Variants in CNTN5 observed in about 807,000 individuals in gnomAD.
CNTN5 encodes contactin-5.
Under a neutral mutation model 129.1 loss-of-function variants are expected in CNTN5, and 77 were observed. That is an observed-to-expected ratio of 0.60 (90% confidence interval 0.50 to 0.72). The LOEUF is 0.72. Among genes scored for constraint, CNTN5 ranks in the 30% least tolerant of loss-of-function variants. The pLI, the probability that CNTN5 is intolerant of heterozygous loss-of-function variation, is 0.00. For missense variants in CNTN5, 1,478 were observed against 1,328.8 expected (o/e 1.11, Z -1.75); for synonymous variants, 509 against 465.6 (o/e 1.09, Z -1.20).
At chr11:100,185,021 C>T (rs968859819) in intron 13 of CNTN5, among the ~76,000 whole-genome samples, 19 of 152,020 alleles carry the variant, frequency 1.2e-4, no homozygotes, top group South Asian at 2.1e-4. Flanking sequence ...TCTCTCCTGC[C>T]GCCATGTGAA....
chr11:99,690,512 T>A (rs1265573032), intron 3 of CNTN5, among the ~76,000 whole-genome samples: 1 of 152,178 alleles, frequency 6.6e-6, no homozygotes, highest in Non-Finnish European at 1.5e-5. Flanking sequence ...GTGAAGAATG[T>A]CCATGGCAGT....
At chr11:99,358,142 G>C (rs1012691069) in intron 2 of CNTN5, among the ~76,000 whole-genome samples, 1 of 142,318 alleles carries the variant, frequency 7.0e-6, no homozygotes, top group Non-Finnish European at 1.5e-5. Flanking sequence ...AGGCTGGAGT[G>C]CAGTGGCGCG....
intron 13 of CNTN5, among the ~76,000 whole-genome samples, chr11:100,141,446 G>C (rs1480360862): frequency 1.3e-5 from 2 of 152,108 alleles, no homozygotes; most frequent in Admixed American, 6.6e-5. Context: ...CTGAGCACAG[G>C]GGTGTTCTTT....
At chr11:99,809,752 C>A (rs976735414) in intron 3 of CNTN5, among the ~76,000 whole-genome samples, 5 of 152,056 alleles carry the variant, frequency 3.3e-5, no homozygotes, top group Admixed American at 3.3e-4. Flanking sequence ...GGAGGAAATA[C>A]ATTTTGTGTA....
intron 3 of CNTN5, among the ~76,000 whole-genome samples, chr11:99,643,776 G>A (rs1366509144): frequency 1.3e-5 from 2 of 151,912 alleles, no homozygotes; most frequent in African/African-American, 4.8e-5. Flanking sequence ...ATGGAATTGA[G>A]TTTCTCCAGT....
rs57658888 is a variant in CNTN5, at chr11:100,056,336, C to T, written c.981-4876C>T. Among the ~76,000 whole-genome samples the T allele has an allele frequency of 7.1e-3, 1,073 of 151,086 alleles. 10 individuals are homozygous for T. Among genetic ancestry groups the T allele is most frequent in the African/African-American group, 0.024 (996 of 41,342 alleles). On this transcript the variant is annotated intron_variant, in intron 9 of 24. Coordinates refer to ENST00000524871, the MANE Select transcript of CNTN5 (RefSeq NM_014361.4). ...AAAGTAAAATTCCACTATCAAAATA[C>T]GCAGATTACCAAATATAGCTTTTAA...
At chr11:99,962,630 G>C (rs1187998553) in intron 8 of CNTN5, among the ~76,000 whole-genome samples, 15 of 150,840 alleles carry the variant, frequency 9.9e-5, no homozygotes, top group African/African-American at 3.7e-4. Context: ...GTGTGCATGT[G>C]TCTTTATAGC....
At chr11:99,822,167 G>A (rs1484707745) in intron 4 of CNTN5, among the ~76,000 whole-genome samples, 4 of 152,082 alleles carry the variant, frequency 2.6e-5, no homozygotes, top group Admixed American at 2.6e-4. Flanking sequence ...TCAGAGTTAA[G>A]CCAAGAAGTA....
chr11:100,085,209 G>C (rs557311379), intron 13 of CNTN5, among the ~76,000 whole-genome samples: 2 of 152,068 alleles, frequency 1.3e-5, no homozygotes, highest in Non-Finnish European at 2.9e-5. Context: ...TTCTCACAAT[G>C]ATGAGTTTCC....
At chr11:99,905,797 G>A (rs1208720521) in intron 6 of CNTN5, among the ~76,000 whole-genome samples, 3 of 152,124 alleles carry the variant, frequency 2.0e-5, no homozygotes. Context: ...CCATTTGTTT[G>A]TGTCCTCTGT....
chr11:99,845,095 G>A lies in CNTN5; in HGVS notation c.410G>A (p.Arg137Gln), dbSNP rs1010130853. ...GNPVPSYRWL[R>Q]NGTEIDLESD... ...TCTGATTTTTTCCTAAGATGGCTTC[G>A]AAATGGAACAGAAATAGATCTGGAA... is the stretch of plus-strand genomic sequence containing the variant. The change falls in exon 6 of 25, where the codon CGA becomes CAA. Residue 137 changes from arginine to glutamine, a missense_variant. Coordinates refer to ENST00000524871, the MANE Select transcript of CNTN5 (RefSeq NM_014361.4). 2 of 1,613,122 alleles carry A rather than the reference G, an allele frequency of 1.2e-6. No homozygotes were observed. Among genetic ancestry groups the A allele is most frequent in the Non-Finnish European group, 8.5e-7 (1 of 1,179,528 alleles).
At chr11:100,141,332 AGACTGCTTGTTTTGGAAACAGT>A (rs974824897) in intron 13 of CNTN5, among the ~76,000 whole-genome samples, 1 of 152,126 alleles carries the variant, frequency 6.6e-6, no homozygotes, top group African/African-American at 2.4e-5. Context: ...AGTGTTGACG[AGACTGCTTGTTTTGGAAACAGT>A]GAGGGGTGGG....
intron 4 of CNTN5, among the ~76,000 whole-genome samples, chr11:99,820,576 C>CCTCAGTTGGCATCTG (rs375014291): frequency 7.9e-5 from 12 of 151,588 alleles, no homozygotes; most frequent in Admixed American, 2.0e-4. Flanking sequence ...ATGCCTGGTT[C>CCTCAGTTGGCATCTG]ATTAACAGCA....
chr11:100,182,399 A>G lies in CNTN5; in HGVS notation c.1581-8727A>G, dbSNP rs370033232. On this transcript the variant is annotated intron_variant, in intron 13 of 24. Coordinates refer to ENST00000524871, the MANE Select transcript of CNTN5 (RefSeq NM_014361.4). Reference sequence around the variant, plus strand: ...CACTTGTCAGAGAGCAGAGAGAGAGAGAAAACAATCTCTTTCATGTCTCTT... The same window carrying G: ...CACTTGTCAGAGAGCAGAGAGAGAGGGAAAACAATCTCTTTCATGTCTCTT... 3.0e-4 allele frequency among the ~76,000 whole-genome samples: 45 copies of G among 152,164 alleles called. No individual in the cohort carries two copies. The South Asian group carries it at 9.3e-3, about 32-fold the overall frequency.
intron 1 of CNTN5, among the ~76,000 whole-genome samples, chr11:99,275,692 T>A (rs879572481): frequency 6.6e-6 from 1 of 151,618 alleles, no homozygotes; most frequent in Non-Finnish European, 1.5e-5. Context: ...GGAAACTAAG[T>A]GTATTCAACT....
chr11:100,255,970 A>C, intron 17 of CNTN5, 52 bp downstream of exon 17: 4,016 of 1,491,378 alleles, frequency 2.7e-3, no homozygotes, highest in Non-Finnish European at 3.4e-3. Flanking sequence ...CTTCTATCTC[A>C]TAAGCTATAT....
chr11:99,601,312 A>T (rs71474527), intron 3 of CNTN5, among the ~76,000 whole-genome samples: 3 of 152,106 alleles, frequency 2.0e-5, no homozygotes, highest in Non-Finnish European at 2.9e-5. Context: ...TTCTAAGTCC[A>T]CTTAGTAAAT....
intron 2 of CNTN5, among the ~76,000 whole-genome samples, chr11:99,399,175 T>C (rs1486883735): frequency 6.6e-6 from 1 of 151,600 alleles, no homozygotes; most frequent in Non-Finnish European, 1.5e-5. Flanking sequence ...ACTAAAATAT[T>C]AATGAAAGAA....
At chr11:99,179,699 C>T (rs917659664) in intron 1 of CNTN5, among the ~76,000 whole-genome samples, 2 of 152,094 alleles carry the variant, frequency 1.3e-5, no homozygotes, top group African/African-American at 2.4e-5. Flanking sequence ...CCACACTTGC[C>T]TCAGTTTGGG....
Sources: allele counts gnomAD v4.1 joint callset (sites outside exome capture counted in the v4.1 genomes callset), GRCh38; gene constraint gnomAD v4.1.1; transcripts MANE v1.5; gene names NCBI Gene and HGNC (gene_info 2026-07-23, HGNC 2026-07-21).